The following HDAC4 variants were observed in gnomAD, a reference collection of about 807,000 sequenced individuals.
HDAC4 encodes the protein histone deacetylase 4, also known as histone deacetylase A.
A neutral mutation model predicts 135.1 loss-of-function variants in HDAC4; 16 were observed. That is an observed-to-expected ratio of 0.12 (90% confidence interval 0.08 to 0.18). HDAC4 has a LOEUF of 0.18. Ranked by LOEUF, HDAC4 falls within the 10% of genes least tolerant of loss-of-function variation. HDAC4 has a pLI of 1.00. For synonymous variants in HDAC4, 685 were observed against 653.4 expected, an observed-to-expected ratio of 1.05 and a Z score of -0.74; for missense variants, 1,143 against 1,511.8, an observed-to-expected ratio of 0.76 and a Z score of 4.05.
At chr2:239,332,478 A>G (rs532994242) in intron 2 of HDAC4, among the ~76,000 whole-genome samples, 56 of 152,330 alleles carry the variant, frequency 3.7e-4, no homozygotes, top group African/African-American at 1.2e-3. Context: ...ATTTAGAAAT[A>G]TATTTCTAAT....
intron 2 of HDAC4, among the ~76,000 whole-genome samples, chr2:239,302,479 A>G (rs1372625026): frequency 1.3e-5 from 2 of 152,242 alleles, no homozygotes; most frequent in Non-Finnish European, 2.9e-5. Context: ...CAAAACTCAG[A>G]TAAGTTAGCT....
intron 1 of HDAC4, among the ~76,000 whole-genome samples, chr2:239,395,924 T>C (rs1696527647): frequency 6.6e-6 from 1 of 152,236 alleles, no homozygotes; most frequent in East Asian, 1.9e-4. Context: ...CTTAAGACTT[T>C]TCTAGAGAGC....
At chr2:239,163,948 G>T (rs780845902) in intron 5 of HDAC4, 25 bp from the exon 6 acceptor site, 1 of 1,613,812 alleles carries the variant, frequency 6.2e-7, no homozygotes, top group South Asian at 1.1e-5. Flanking sequence ...AGCATAGCAG[G>T]GGGTGAAGTG....
At chr2:239,199,472 C>T (rs1342663512) in intron 3 of HDAC4, among the ~76,000 whole-genome samples, 1 of 152,202 alleles carries the variant, frequency 6.6e-6, no homozygotes, top group Non-Finnish European at 1.5e-5. Flanking sequence ...ACAAACAGCG[C>T]TTATGAGAAA....
intron 2 of HDAC4, among the ~76,000 whole-genome samples, chr2:239,256,186 C>T (rs1559291618): frequency 6.6e-6 from 1 of 152,188 alleles, no homozygotes; most frequent in Non-Finnish European, 1.5e-5. Context: ...CCACAGAAAG[C>T]GGTTCACTGA....
chr2:239,307,585 G>A lies in HDAC4; in HGVS notation c.22+45093C>T, dbSNP rs934408012. Among the ~76,000 whole-genome samples, 1 of 152,126 alleles carries A rather than the reference G, an allele frequency of 6.6e-6. No individual in the cohort carries two copies. The highest frequency in any genetic ancestry group is 2.1e-4 in the South Asian group (1 of 4,826). Reference sequence around the variant, plus strand: ...AGTGAGTGTCTGCTTCCTGGACCTCGCAGACTCACCAGGGACCCTAAACTT... The same window carrying A: ...AGTGAGTGTCTGCTTCCTGGACCTCACAGACTCACCAGGGACCCTAAACTT... On this transcript the variant is annotated intron_variant, in intron 2 of 26. Transcript: ENST00000543185. The surrounding 1 kb of genome is among the most constrained non-coding windows in gnomAD (Gnocchi z 4.8).
rs1559410280 is a variant in HDAC4 at position 239,400,122 on chromosome 2, AC to A, written c.-220+855del. Among the ~76,000 whole-genome samples the A allele has an allele frequency of 1.3e-5, 2 of 148,598 alleles. No homozygotes were observed. Among genetic ancestry groups the A allele is most frequent in the Non-Finnish European group, 3.0e-5 (2 of 67,118 alleles). On this transcript the variant is annotated intron_variant, in intron 1 of 26. Transcript: ENST00000543185. This position sits in a 1 kb window ranked among gnomAD's most constrained non-coding sequence, Gnocchi z 4.7. ...CGCAACGCCGGCAAACGCGGATCCC[AC>A]CCCCGAGCGGGACCGGGCCCCGTCT... is the stretch of plus-strand genomic sequence containing the variant.
intron 19 of HDAC4, among the ~76,000 whole-genome samples, chr2:239,084,809 CCCCACAG>C (rs2035752344): frequency 6.6e-6 from 1 of 150,524 alleles, no homozygotes; most frequent in Non-Finnish European, 1.5e-5. Context: ...ACACCCCACA[CCCCACAG>C]ATAGAGACAC....
chr2:239,328,792 C>T (rs1691342779), intron 2 of HDAC4, among the ~76,000 whole-genome samples: 1 of 152,176 alleles, frequency 6.6e-6, no homozygotes, highest in South Asian at 2.1e-4. Context: ...GCAGCCCAGC[C>T]CGGAGCTCAG....
chr2:239,287,311 T>C (rs2051195106), intron 2 of HDAC4, among the ~76,000 whole-genome samples: 1 of 152,342 alleles, frequency 6.6e-6, no homozygotes, highest in South Asian at 2.1e-4. Context: ...TTTAATGACC[T>C]TGACAGTTTA....
intron 1 of HDAC4, among the ~76,000 whole-genome samples, chr2:239,372,451 C>A (rs1676654198): frequency 6.6e-6 from 1 of 152,260 alleles, no homozygotes; most frequent in Non-Finnish European, 1.5e-5. Context: ...CCTTGCAAGG[C>A]CACCAGGGTC....
intron 1 of HDAC4, among the ~76,000 whole-genome samples, chr2:239,394,927 A>G (rs555273290): frequency 6.6e-6 from 1 of 152,398 alleles, no homozygotes; most frequent in Non-Finnish European, 1.5e-5. Context: ...AAAAGGTGGC[A>G]TTAAACAACT....
intron 2 of HDAC4, among the ~76,000 whole-genome samples, chr2:239,243,338 G>C (rs959876844): frequency 6.6e-6 from 1 of 152,184 alleles, no homozygotes; most frequent in South Asian, 2.1e-4. Context: ...ATTTTTAGTA[G>C]AGACGGGGTT....
rs551805656 is a variant in HDAC4, at chr2:239,082,417, G to A, written c.2533-196C>T. ...GGTCAGGGCTACGTGGTGCAGGGTC[G>A]CAGGGGTTCTAAGGGCCAATGTTCG... On this transcript the variant is annotated intron_variant, in intron 20 of 26. Transcript: ENST00000543185. 8.5e-5 allele frequency among the ~76,000 whole-genome samples: 13 copies of A among 152,342 alleles called. No individual in the cohort carries two copies. In the East Asian group the frequency reaches 1.2e-3, roughly 14 times the overall value.
chr2:239,278,743 T>C (rs907536313), intron 2 of HDAC4, among the ~76,000 whole-genome samples: 1 of 152,224 alleles, frequency 6.6e-6, no homozygotes, highest in Non-Finnish European at 1.5e-5. Context: ...TTTGCTTTAA[T>C]TCACCTTCTA....
intron 12 of HDAC4, among the ~76,000 whole-genome samples, chr2:239,119,830 A>T (rs2039476971): frequency 6.6e-6 from 1 of 152,178 alleles, no homozygotes; most frequent in African/African-American, 2.4e-5. Flanking sequence ...AGTCAGCGCG[A>T]GGGCAGGGGA....
intron 1 of HDAC4, among the ~76,000 whole-genome samples, chr2:239,385,288 C>T (rs1049912760): frequency 6.6e-6 from 1 of 152,254 alleles, no homozygotes; most frequent in South Asian, 2.1e-4. Context: ...GAGCTCAGTA[C>T]ATGGGGGCAC....
intron 2 of HDAC4, among the ~76,000 whole-genome samples, chr2:239,319,555 TTACCC>T (rs2053238213): frequency 1.3e-5 from 2 of 152,138 alleles, no homozygotes; most frequent in African/African-American, 4.8e-5. Flanking sequence ...TAAAAGTAGC[TTACCC>T]GTGACCCGGC....
chr2:239,362,879 T>C (rs1024972530), intron 1 of HDAC4, among the ~76,000 whole-genome samples: 2 of 152,178 alleles, frequency 1.3e-5, no homozygotes, highest in Non-Finnish European at 2.9e-5. Context: ...TCACAGATGA[T>C]ATAGTGTATA....
Sources: allele counts gnomAD v4.1 joint callset (sites outside exome capture counted in the v4.1 genomes callset), GRCh38; gene constraint gnomAD v4.1.1; non-coding constraint Gnocchi (gnomAD v3.1); transcripts MANE v1.5; gene names NCBI Gene and HGNC (gene_info 2026-07-23, HGNC 2026-07-21).